MAP4: variants seen among roughly 807,000 people sequenced by gnomAD.
MAP4 encodes the protein microtubule-associated protein 4.
Under a neutral mutation model 170.2 loss-of-function variants are expected in MAP4, and 76 were observed. The ratio of observed to expected loss-of-function variants is 0.45; its 90% CI spans 0.37 to 0.54. The LOEUF is 0.54. Ranked by LOEUF, MAP4 falls within the 20% of genes least tolerant of loss-of-function variation. The pLI, the probability that MAP4 is intolerant of heterozygous loss-of-function variation, is 0.00. For missense variants in MAP4, 2,506 were observed against 2,748.0 expected, an observed-to-expected ratio of 0.91 and a Z score of 1.97; for synonymous variants, 909 against 994.5, an observed-to-expected ratio of 0.91 and a Z score of 1.62.
chr3:47,971,449 C>G (rs941409277), intron 3 of MAP4, among the ~76,000 whole-genome samples: 2 of 152,158 alleles, frequency 1.3e-5, no homozygotes, highest in East Asian at 3.8e-4. Flanking sequence ...CACAGAATAC[C>G]TTCTGTGTCA....
intron 12 of MAP4, among the ~76,000 whole-genome samples, chr3:47,872,523 G>T (rs1267578093): frequency 6.6e-6 from 1 of 152,194 alleles, no homozygotes; most frequent in Non-Finnish European, 1.5e-5. Context: ...AGAACAGGAG[G>T]TACTGTGGGT....
At chr3:47,986,065 A>G (rs2100088463) in intron 2 of MAP4, among the ~76,000 whole-genome samples, 1 of 152,244 alleles carries the variant, frequency 6.6e-6, no homozygotes, top group Admixed American at 6.5e-5. Context: ...GTAATGATAA[A>G]TCCAAGTAAA....
intron 2 of MAP4, among the ~76,000 whole-genome samples, chr3:47,979,614 G>A (rs1439748323): frequency 4.0e-5 from 6 of 151,884 alleles, no homozygotes; most frequent in Non-Finnish European, 2.9e-5. Context: ...GTGCCACCAC[G>A]TCCAGCTAAT....
rs1204331338 is a variant in MAP4 at position 47,911,880 on chromosome 3, C to A, written c.2541G>T (p.Glu847Asp). Residue 847 changes from glutamate to aspartate, a missense_variant, in exon 9 of 21, where the codon GAG becomes GAT. Glu to Asp is a conservative substitution (Grantham distance 45, BLOSUM62 2). Around this residue, in one of 3 missense-constraint regions of MAP4, gnomAD observed 2,008 missense variants for 2,206.0 expected, o/e 0.91. Transcript: ENST00000683076. This position sits in a 1 kb window ranked among gnomAD's most constrained non-coding sequence, Gnocchi z 4.0. Reference sequence around the variant, plus strand: ...TTCTGAGACTCTCTGAGACAAAGTTCTCAGCTACCAGTCTGGCTGCACTGG... The same window carrying A: ...TTCTGAGACTCTCTGAGACAAAGTTATCAGCTACCAGTCTGGCTGCACTGG... ...VNSSAARLVA[E>D]NFVSESLRIP... 9.1e-6 allele frequency: 14 copies of A among 1,536,002 alleles called. No homozygotes were observed. The highest frequency in any genetic ancestry group is 2.0e-5 in the Admixed American group (1 of 50,986).
At position 47,977,940 on chromosome 3, in the gene MAP4, C is replaced by A. The variant is rs746026388; in HGVS notation, c.224-7G>T. 6.3e-7 allele frequency: 1 copy of A among 1,599,538 alleles called. No individual in the cohort carries two copies. On this transcript the variant is annotated splice_polypyrimidine_tract_variant and splice_region_variant and intron_variant, in intron 2 of 20. Coordinates refer to ENST00000683076, the MANE Select transcript of MAP4 (RefSeq NM_001385682.1). ...GGTTTAGAAGATGGAGTATCTGCAA[C>A]AATGACAAATAATTACCCATTGTGA...
chr3:47,898,758 A>C (rs1399465986), intron 10 of MAP4, among the ~76,000 whole-genome samples: 3 of 152,200 alleles, frequency 2.0e-5, no homozygotes, highest in African/African-American at 7.2e-5. Context: ...AGCCTGGGCA[A>C]CATAGCAGGA....
chr3:47,885,596 T>TG (rs1214474044), intron 10 of MAP4, among the ~76,000 whole-genome samples: 1 of 152,172 alleles, frequency 6.6e-6, no homozygotes, highest in Non-Finnish European at 1.5e-5. Context: ...GTTTTTGTAA[T>TG]GGAGAGCACT....
intron 2 of MAP4, among the ~76,000 whole-genome samples, chr3:47,984,600 G>A (rs2100087465): frequency 6.6e-6 from 1 of 151,956 alleles, no homozygotes; most frequent in South Asian, 2.1e-4. Flanking sequence ...GGGAGGGTGG[G>A]GAGAGCAGAT....
chr3:48,008,561 G>T (rs2100103650), intron 1 of MAP4, among the ~76,000 whole-genome samples: 1 of 152,234 alleles, frequency 6.6e-6, no homozygotes, highest in African/African-American at 2.4e-5. Context: ...CTTGGAAGGA[G>T]CATGATTGGA....
intron 1 of MAP4, among the ~76,000 whole-genome samples, chr3:48,002,567 C>G (rs2100099780): frequency 6.8e-6 from 1 of 146,120 alleles, no homozygotes; most frequent in Admixed American, 6.8e-5. Flanking sequence ...GACCCTGTCT[C>G]AAAAAATTTT....
At chr3:48,066,963 C>G (rs1274171086) in intron 1 of MAP4, among the ~76,000 whole-genome samples, 2 of 151,102 alleles carry the variant, frequency 1.3e-5, no homozygotes, top group Non-Finnish European at 2.9e-5. Flanking sequence ...GCCTCAGCCT[C>G]CTGAGCAGCT....
At chr3:47,973,729 A>C in intron 3 of MAP4, 2 of 985,446 alleles carry the variant, frequency 2.0e-6, no homozygotes. Flanking sequence ...CGAGCAATAG[A>C]AAGATGTCAA....
chr3:48,003,351 G>A (rs1295955911), intron 1 of MAP4, among the ~76,000 whole-genome samples: 2 of 151,680 alleles, frequency 1.3e-5, no homozygotes, highest in Non-Finnish European at 2.9e-5. Context: ...CTGCTCGGGA[G>A]GCTGAGGCAG....
At chr3:48,053,131 G>C (rs1282838091) in intron 1 of MAP4, among the ~76,000 whole-genome samples, 3 of 152,078 alleles carry the variant, frequency 2.0e-5, no homozygotes, top group African/African-American at 7.2e-5. Context: ...ATAAGAAAAA[G>C]ACAACATAAA....
chr3:47,909,314 C>T lies in MAP4; in HGVS notation c.5107G>A (p.Ala1703Thr). 6.2e-7 allele frequency: 1 copy of T among 1,613,906 alleles called. No individual in the cohort carries two copies. Among genetic ancestry groups the T allele is most frequent in the Non-Finnish European group, 8.5e-7 (1 of 1,179,854 alleles). ...GTATCCGCCACCTCTGAAGGAGGAG[C>T]TTCGACTTTGCTATGTAAGAAATCT... is the stretch of plus-strand genomic sequence containing the variant. ...QSDFLHSKVE[A>T]PPSEVADTLV... Residue 1703 changes from alanine to threonine, a missense_variant, in exon 9 of 21, where the codon GCT becomes ACT. By Grantham distance (58) the Ala-to-Thr change is moderately conservative. Around this residue, in one of 3 missense-constraint regions of MAP4, gnomAD observed 2,008 missense variants for 2,206.0 expected, o/e 0.91. Transcript: ENST00000683076.
chr3:48,011,371 A>T (rs1579224169), intron 1 of MAP4, among the ~76,000 whole-genome samples: 1 of 152,220 alleles, frequency 6.6e-6, no homozygotes, highest in South Asian at 2.1e-4. Flanking sequence ...TCTACTAAAA[A>T]TACAAAAACA....
intron 1 of MAP4, among the ~76,000 whole-genome samples, chr3:48,027,327 T>A (rs2100113624): frequency 6.6e-6 from 1 of 152,128 alleles, no homozygotes; most frequent in African/African-American, 2.4e-5. Context: ...TCTAGAAAAC[T>A]AGAGACAAAG....
At chr3:47,988,843 C>A (rs1422453197) in intron 2 of MAP4, among the ~76,000 whole-genome samples, 3 of 151,924 alleles carry the variant, frequency 2.0e-5, no homozygotes, top group Admixed American at 6.6e-5. Context: ...GAGACGGAGT[C>A]TCGCTGTCGC....
intron 9 of MAP4, among the ~76,000 whole-genome samples, chr3:47,903,399 G>T (rs1237499447): frequency 1.3e-5 from 2 of 152,304 alleles, no homozygotes; most frequent in Admixed American, 6.5e-5. Context: ...CAGGCATAGT[G>T]GTGGGCGCCT....
Sources: allele counts gnomAD v4.1 joint callset (sites outside exome capture counted in the v4.1 genomes callset), GRCh38; gene constraint gnomAD v4.1.1; regional missense constraint gnomAD v4.1.1; non-coding constraint Gnocchi (gnomAD v3.1); transcripts MANE v1.5; gene names NCBI Gene and HGNC (gene_info 2026-07-23, HGNC 2026-07-21).